DYSF: variants seen among roughly 807,000 people sequenced by gnomAD.
The protein encoded by DYSF is dysferlin.
In DYSF, 212 loss-of-function variants were observed where a neutral mutation model predicts 274.9. That is an observed-to-expected ratio of 0.77 (90% CI 0.69 to 0.86). The LOEUF (loss-of-function observed/expected upper bound fraction) is 0.86, where lower values mean the gene tolerates loss of function less well. DYSF is among the 40% of genes least tolerant of loss of function. DYSF has a pLI of 0.00. For synonymous variants in DYSF, 1,091 were observed against 1,078.7 expected (o/e 1.01, Z -0.22); for missense variants, 2,666 against 2,783.2 (o/e 0.96, Z 0.95).
chr2:71,553,355 GC>G, intron 20 of DYSF, among the ~76,000 whole-genome samples, 167 bp downstream of exon 20: 1 of 152,194 alleles, frequency 6.6e-6, no homozygotes, highest in Non-Finnish European at 1.5e-5. Flanking sequence ...CAGGCAAGGG[GC>G]CCTGCTACTA....
chr2:71,628,003 A>G (rs2094239613), intron 41 of DYSF, among the ~76,000 whole-genome samples: 2 of 152,130 alleles, frequency 1.3e-5, no homozygotes, highest in Admixed American at 1.3e-4. Context: ...TGAACAGCAA[A>G]TAGATAGATT....
intron 42 of DYSF, among the ~76,000 whole-genome samples, chr2:71,654,376 T>G (rs1174647939): frequency 1.3e-5 from 2 of 152,200 alleles, no homozygotes; most frequent in Non-Finnish European, 2.9e-5. Flanking sequence ...TGCATACTCC[T>G]TGTCCAGGAA....
rs138097846 is a variant in DYSF at position 71,612,698 on chromosome 2, C to T, written c.4279C>T (p.Arg1427Cys). The T allele has an allele frequency of 3.7e-5, 60 of 1,614,082 alleles. No homozygotes were observed. The highest frequency in any genetic ancestry group is 1.6e-4 in the Middle Eastern group (1 of 6,084). ...PPITVKVIDN[R>C]QFGRRPVVGQ... is the part of the protein sequence containing the mutation. ...CATCACCGTCAAGGTCATCGATAAC[C>T]GCCAGTTTGGCCGCCGGCCTGTGGT... The change falls in exon 39 of 56, where the codon CGC becomes TGC. Residue 1427 changes from arginine (R) to cysteine (C), a missense_variant. By Grantham distance (180) the Arg-to-Cys change is radical (BLOSUM62 -3). Around this residue, in one of 3 missense-constraint regions of DYSF, gnomAD observed 1,460 missense variants for 1,502.1 expected, o/e 0.97. Transcript: ENST00000410020.
intron 34 of DYSF, 31 bp downstream of exon 34, chr2:71,600,873 G>C (rs748402451): frequency 4.7e-5 from 76 of 1,604,298 alleles, no homozygotes; most frequent in Non-Finnish European, 5.8e-5. Context: ...GATCCAGGAG[G>C]CCCAGGCAGG....
intron 12 of DYSF, among the ~76,000 whole-genome samples, chr2:71,521,324 C>G (rs1027964078): frequency 6.6e-6 from 1 of 152,122 alleles, no homozygotes; most frequent in African/African-American, 2.4e-5. Flanking sequence ...ATGTTGAGAG[C>G]AGGAGAGGTA....
At chr2:71,677,439 C>T (rs1044901455) in intron 52 of DYSF, among the ~76,000 whole-genome samples, 7 of 152,002 alleles carry the variant, frequency 4.6e-5, no homozygotes, top group East Asian at 3.8e-4. Context: ...TTAGATTAGG[C>T]GAAACCACAT....
intron 30 of DYSF, 89 bp from the exon 31 acceptor site, chr2:71,589,503 TG>T: frequency 9.8e-7 from 1 of 1,015,802 alleles, no homozygotes; most frequent in Non-Finnish European, 1.6e-6. Flanking sequence ...AGAGATCTCC[TG>T]GCCCTGGGGA....
At chr2:71,672,985 A>G (rs948057167) in intron 51 of DYSF, among the ~76,000 whole-genome samples, 2 of 152,174 alleles carry the variant, frequency 1.3e-5, no homozygotes, top group African/African-American at 4.8e-5. Flanking sequence ...TCGGGAGCTC[A>G]CTGGGATTTC....
chr2:71,605,364 A>C (rs1319038388), intron 36 of DYSF, among the ~76,000 whole-genome samples: 1 of 152,224 alleles, frequency 6.6e-6, no homozygotes, highest in East Asian at 1.9e-4. Flanking sequence ...GTGTGCATGC[A>C]CGTGTGAGCA....
At chr2:71,485,124 A>G (rs140774494) in intron 3 of DYSF, among the ~76,000 whole-genome samples, 12 of 152,340 alleles carry the variant, frequency 7.9e-5, no homozygotes, top group Non-Finnish European at 1.5e-4. Context: ...TTTTCCAAAC[A>G]TTTATCTCAG....
rs762833576 is a variant in DYSF at position 71,532,838 on chromosome 2, A to ATCTATCTG, written c.1381-2176_1381-2175insGTCTATCT. 6.0e-3 allele frequency among the ~76,000 whole-genome samples: 786 copies of ATCTATCTG among 130,878 alleles called. 10 individuals are homozygous for ATCTATCTG. Among genetic ancestry groups the ATCTATCTG allele is most frequent in the Middle Eastern group, 0.037 (10 of 272 alleles). The allele number at this position is 130,878 out of a possible 152,430, so 85.9% of individuals were successfully genotyped here. A position where few individuals can be genotyped will look rare whatever the true frequency, so the allele number is the denominator to read the frequency against. On this transcript the variant is annotated intron_variant, in intron 14 of 55. Coordinates refer to ENST00000410020, the MANE Select transcript of DYSF (RefSeq NM_001130987.2). ...ATTAGGTAGTACATTTATTCTATCT[A>ATCTATCTG]TCTATCTATCTATCTATCTATCTAT...
At chr2:71,480,779 C>T in intron 1 of DYSF, 104 bp from the exon 2 acceptor site, 4 of 1,063,892 alleles carry the variant, frequency 3.8e-6, no homozygotes, top group Admixed American at 3.8e-5. Context: ...TAAGATTTCC[C>T]TTGGCGACCA....
intron 41 of DYSF, among the ~76,000 whole-genome samples, chr2:71,623,599 T>G (rs2094149879): frequency 6.6e-6 from 1 of 152,134 alleles, no homozygotes; most frequent in African/African-American, 2.4e-5. Context: ...CCTTTTGGTA[T>G]AAATCATATC....
chr2:71,570,439 A>C (rs2092351550), intron 28 of DYSF, 105 bp downstream of exon 28: 1 of 1,432,972 alleles, frequency 7.0e-7, no homozygotes, highest in African/African-American at 1.4e-5. Flanking sequence ...TATTTCACCC[A>C]GGGACGCTTC....
In DYSF at chr2:71,513,404, C is replaced by T. The variant is rs938405219; in HGVS notation, c.553+72C>T. The T allele has an allele frequency of 6.0e-6, 9 of 1,487,792 alleles. No homozygotes were observed. In the Admixed American group the frequency reaches 1.8e-4, roughly 30 times the overall value. The allele number at this position is 1,487,792 out of a possible 1,614,324, so 92.2% of individuals were successfully genotyped here. ...CTGTCTCACTAGCTGCCATGGTCAG[C>T]TTGCTGGAGCGGGGCCAGGTGGCAG... On this transcript the variant is annotated intron_variant, in intron 6 of 55. Transcript: ENST00000410020.
At chr2:71,547,070 G>T (rs1298830899) in intron 17 of DYSF, among the ~76,000 whole-genome samples, 6 of 152,238 alleles carry the variant, frequency 3.9e-5, no homozygotes, top group African/African-American at 9.6e-5. Context: ...CCAGCTTCCT[G>T]GGCTGAGGGA....
intron 16 of DYSF, among the ~76,000 whole-genome samples, chr2:71,537,225 T>TTTGTG (rs1324211404): frequency 1.7e-5 from 2 of 120,190 alleles, no homozygotes; most frequent in African/African-American, 3.6e-5. Context: ...CTAGTTTTGT[T>TTTGTG]TTTTTTTTTT....
intron 44 of DYSF, among the ~76,000 whole-genome samples, chr2:71,659,523 A>G (rs371513949): frequency 2.0e-5 from 3 of 152,324 alleles, no homozygotes; most frequent in East Asian, 3.9e-4. Flanking sequence ...AGTCCCAGGT[A>G]AAAGGGAATG....
At chr2:71,612,830 C>T in intron 39 of DYSF, 24 bp downstream of exon 39, 2 of 1,602,056 alleles carry the variant, frequency 1.2e-6, no homozygotes, top group East Asian at 4.5e-5. Flanking sequence ...AGATGATGGG[C>T]AGGTCAGGGA....
Sources: gnomAD v4.1 joint callset for allele counts (sites outside exome capture counted in the v4.1 genomes callset) on GRCh38, gnomAD v4.1.1 for gene constraint, gnomAD v4.1.1 regional missense constraint, MANE v1.5 for transcripts, NCBI Gene and HGNC (gene_info 2026-07-23, HGNC 2026-07-21) for gene names.